ADAMTS12: variants seen among roughly 807,000 people sequenced by gnomAD.
ADAMTS12 encodes A disintegrin and metalloproteinase with thrombospondin motifs 12.
In ADAMTS12, 118 loss-of-function variants were observed where a neutral mutation model predicts 167.8. That is an observed-to-expected ratio of 0.70 (90% CI 0.61 to 0.82). The LOEUF (loss-of-function observed/expected upper bound fraction) is 0.82. Among genes scored for constraint, ADAMTS12 ranks in the 40% least tolerant of loss-of-function variants. The pLI is 0.00. For synonymous variants in ADAMTS12, 704 were observed against 716.9 expected (o/e 0.98, Z 0.29); for missense variants, 1,916 against 1,998.8 (o/e 0.96, Z 0.79).
chr5:33,847,871 T>C (rs1258951816), intron 2 of ADAMTS12, among the ~76,000 whole-genome samples: 1 of 152,066 alleles, frequency 6.6e-6, no homozygotes, highest in Admixed American at 6.5e-5. Flanking sequence ...ACCAAAGATC[T>C]GTCACAGGAA....
intron 2 of ADAMTS12, among the ~76,000 whole-genome samples, chr5:33,811,167 G>C (rs1332252573): frequency 6.6e-6 from 1 of 152,170 alleles, no homozygotes; most frequent in East Asian, 1.9e-4. Context: ...CCAACTCATA[G>C]AGTAATATCA....
At chr5:33,778,976 T>G (rs1579928012) in intron 2 of ADAMTS12, among the ~76,000 whole-genome samples, 1 of 152,074 alleles carries the variant, frequency 6.6e-6, no homozygotes, top group Non-Finnish European at 1.5e-5. Flanking sequence ...CCTGTTAGAA[T>G]GGCTATTATC....
intron 1 of ADAMTS12, among the ~76,000 whole-genome samples, chr5:33,889,775 A>AACCTC (rs1750777459): frequency 6.6e-6 from 1 of 152,124 alleles, no homozygotes; most frequent in Admixed American, 6.5e-5. Context: ...AACATGGTGA[A>AACCTC]ACCTCGTCTG....
intron 2 of ADAMTS12, among the ~76,000 whole-genome samples, chr5:33,803,199 A>G (rs1031094674): frequency 2.0e-5 from 3 of 152,226 alleles, no homozygotes; most frequent in African/African-American, 7.2e-5. Flanking sequence ...AAAAGCAGAC[A>G]GACAAACTAA....
chr5:33,843,203 G>A (rs979880463), intron 2 of ADAMTS12, among the ~76,000 whole-genome samples: 1 of 152,248 alleles, frequency 6.6e-6, no homozygotes, highest in East Asian at 1.9e-4. Context: ...TGAGCAGAGT[G>A]AAGACATCTG....
In ADAMTS12 at chr5:33,881,462, A is replaced by G. The variant is rs761569425; in HGVS notation, c.146T>C (p.Leu49Pro). The change falls in exon 2 of 24, where the codon CTG (leucine) becomes CCG (proline). Residue 49 changes from leucine (L) to proline (P), a missense_variant. Leu to Pro is a moderately conservative substitution (Grantham distance 98). Transcript: ENST00000504830. ...TGGACCCACCACGTGGTATTCTGGCAGGCCCTTGATAAAATGCTCTGAAAG... is the reference window on the plus strand; with the variant it reads ...TGGACCCACCACGTGGTATTCTGGCGGGCCCTTGATAAAATGCTCTGAAAG... ...DRRQEHFIKG[L>P]PEYHVVGPVR... 5.0e-6 allele frequency: 8 copies of G among 1,612,896 alleles called. No homozygotes were observed. Among genetic ancestry groups the G allele is most frequent in the Non-Finnish European group, 5.9e-6 (7 of 1,179,800 alleles).
intron 2 of ADAMTS12, among the ~76,000 whole-genome samples, chr5:33,754,682 C>T (rs1745110745): frequency 6.6e-6 from 1 of 152,022 alleles, no homozygotes; most frequent in African/African-American, 2.4e-5. Flanking sequence ...ATGGTGAAAC[C>T]CTGTCTCCAC....
intron 3 of ADAMTS12, among the ~76,000 whole-genome samples, chr5:33,692,737 T>C (rs1742595865): frequency 6.6e-6 from 1 of 152,202 alleles, no homozygotes; most frequent in Non-Finnish European, 1.5e-5. Flanking sequence ...AGCAAGTTGA[T>C]AAGGTATAAA....
intron 2 of ADAMTS12, among the ~76,000 whole-genome samples, chr5:33,783,803 C>T (rs1746232497): frequency 6.6e-6 from 1 of 151,918 alleles, no homozygotes; most frequent in Non-Finnish European, 1.5e-5. Flanking sequence ...AATATCAGTC[C>T]TACACAAACT....
chr5:33,779,234 G>A (rs568246531), intron 2 of ADAMTS12, among the ~76,000 whole-genome samples: 54 of 142,652 alleles, frequency 3.8e-4, no homozygotes, highest in Non-Finnish European at 6.8e-4. Flanking sequence ...TGCCCAGGCT[G>A]GAGTGCAGTG....
At chr5:33,883,610 T>C (rs891073223) in intron 1 of ADAMTS12, among the ~76,000 whole-genome samples, 3 of 152,084 alleles carry the variant, frequency 2.0e-5, no homozygotes, top group African/African-American at 7.2e-5. Context: ...CTTACATTCA[T>C]GGAAAATACA....
At chr5:33,774,471 G>T (rs1158186685) in intron 2 of ADAMTS12, among the ~76,000 whole-genome samples, 1 of 152,234 alleles carries the variant, frequency 6.6e-6, no homozygotes, top group East Asian at 1.9e-4. Flanking sequence ...AAGGATGAAA[G>T]CATGCCCTTT....
At position 33,877,298 on chromosome 5, in the gene ADAMTS12, A is replaced by T. The variant is rs143364595; in HGVS notation, c.489+3821T>A. Among the ~76,000 whole-genome samples the T allele has an allele frequency of 2.1e-3, 316 of 152,380 alleles. 1 individual carries two copies. The highest frequency in any genetic ancestry group is 7.4e-3 in the African/African-American group (306 of 41,600). ...TACACAGTCCAGAGGATAAGTGCTT[A>T]GCAGAATTAGAACGCCCTTTGAAAA... On this transcript the variant is annotated intron_variant, in intron 2 of 23. Coordinates refer to ENST00000504830, the MANE Select transcript of ADAMTS12 (RefSeq NM_030955.4).
rs1215337596 is a variant in ADAMTS12, at chr5:33,526,874, C to T, written c.*314G>A. On this transcript the variant is annotated 3_prime_UTR_variant, in exon 24 of 24. Transcript: ENST00000504830. ...AAATAGCTGGTCTCTTTGTTTTTAT[C>T]TTTAAGGGAGAACAAAAATACAGTA... 3.8e-6 allele frequency: 1 copy of T among 261,390 alleles called. No individual in the cohort carries two copies. The highest frequency in any genetic ancestry group is 7.2e-6 in the Non-Finnish European group (1 of 138,082). 16.2% of individuals were successfully genotyped at this position (261,390 alleles called of 1,614,324 possible). A position where few individuals can be genotyped will look rare whatever the true frequency, so the allele number is the denominator to read the frequency against.
chr5:33,652,389 G>C (rs1740896003), intron 7 of ADAMTS12, among the ~76,000 whole-genome samples: 1 of 152,068 alleles, frequency 6.6e-6, no homozygotes, highest in Non-Finnish European at 1.5e-5. Flanking sequence ...TAGTGATGTT[G>C]AGGATTTTTT....
Position 33,564,449 on chromosome 5 carries a change from C to G in ADAMTS12, c.3973-3270G>C, listed in dbSNP as rs933734541. On this transcript the variant is annotated intron_variant, in intron 19 of 23. Transcript: ENST00000504830. ...GATATTGGGTTGCAGTAGATTTTATCTGAATAAGTGTGAAATGAGGAGATA... is the reference window on the plus strand; with the variant it reads ...GATATTGGGTTGCAGTAGATTTTATGTGAATAAGTGTGAAATGAGGAGATA... Among the ~76,000 whole-genome samples, 15 of 152,318 alleles carry G rather than the reference C, an allele frequency of 9.8e-5. No individual in the cohort carries two copies. The East Asian group carries it at 2.9e-3, about 29-fold the overall frequency.
chr5:33,722,517 G>A (rs570806746), intron 3 of ADAMTS12, among the ~76,000 whole-genome samples: 1 of 152,320 alleles, frequency 6.6e-6, no homozygotes, highest in South Asian at 2.1e-4. Flanking sequence ...TTGGTTAGAG[G>A]TGAGGCTGAA....
intron 9 of ADAMTS12, among the ~76,000 whole-genome samples, chr5:33,645,441 A>T (rs1472160995): frequency 1.3e-5 from 2 of 152,126 alleles, no homozygotes; most frequent in Non-Finnish European, 2.9e-5. Context: ...CAAAGGTCTC[A>T]GTTCTAAATC....
chr5:33,614,703 G>T (rs756224936), intron 15 of ADAMTS12, among the ~76,000 whole-genome samples: 1 of 152,196 alleles, frequency 6.6e-6, no homozygotes, highest in Non-Finnish European at 1.5e-5. Flanking sequence ...ATGGCAAGGA[G>T]TATCCTTTCC....
Sources: allele counts gnomAD v4.1 joint callset (sites outside exome capture counted in the v4.1 genomes callset), GRCh38; gene constraint gnomAD v4.1.1; transcripts MANE v1.5; gene names NCBI Gene and HGNC (gene_info 2026-07-23, HGNC 2026-07-21).